Variants in LRP1B observed in about 807,000 individuals in gnomAD.
LRP1B encodes the protein low-density lipoprotein receptor-related protein 1B.
LRP1B carries 217 observed loss-of-function variants against 556.6 expected under a neutral mutation model. The ratio of observed to expected loss-of-function variants is 0.39; its 90% CI spans 0.35 to 0.44. The LOEUF is 0.44. LRP1B is among the 20% of genes least tolerant of loss of function. The probability of loss-of-function intolerance (pLI) is 1.00; values close to 1 mark genes in which losing one functional copy is unlikely to be tolerated. For missense variants in LRP1B, 5,053 were observed against 5,620.8 expected (o/e 0.90, Z 3.23); for synonymous variants, 2,047 against 1,865.8 (o/e 1.10, Z -2.50).
At chr2:141,160,725 C>T (rs888872924) in intron 7 of LRP1B, among the ~76,000 whole-genome samples, 1 of 151,874 alleles carries the variant, frequency 6.6e-6, no homozygotes, top group Non-Finnish European at 1.5e-5. Context: ...TGAAAAAGAA[C>T]AGATCAGCAG....
chr2:140,605,023 A>T (rs1267794122), intron 41 of LRP1B, among the ~76,000 whole-genome samples: 1 of 152,114 alleles, frequency 6.6e-6, no homozygotes, highest in African/African-American at 2.4e-5. Context: ...AGTCTCGGGT[A>T]TGTCTTTATT....
chr2:140,498,720 A>G (rs1398502211), intron 55 of LRP1B, among the ~76,000 whole-genome samples: 1 of 151,886 alleles, frequency 6.6e-6, no homozygotes, highest in Non-Finnish European at 1.5e-5. Context: ...CTTGTTGTAC[A>G]TAAAGCTTTT....
At chr2:141,249,616 A>C (rs1444765932) in intron 4 of LRP1B, among the ~76,000 whole-genome samples, 1 of 135,732 alleles carries the variant, frequency 7.4e-6, no homozygotes, top group Non-Finnish European at 1.6e-5. Context: ...TAATAATAAT[A>C]AAACAGAAAG....
intron 2 of LRP1B, among the ~76,000 whole-genome samples, chr2:141,508,184 A>G (rs1410979300): frequency 1.3e-5 from 2 of 152,054 alleles, no homozygotes; most frequent in Non-Finnish European, 2.9e-5. Flanking sequence ...GTTCCTTGAG[A>G]CCAAATTCCC....
chr2:140,364,264 C>G (rs1267986532), intron 72 of LRP1B, among the ~76,000 whole-genome samples: 1 of 151,464 alleles, frequency 6.6e-6, no homozygotes, highest in African/African-American at 2.4e-5. Context: ...GCTTGTGAAA[C>G]TATGAGATTT....
chr2:140,747,269 C>A (rs1043584842), intron 35 of LRP1B, among the ~76,000 whole-genome samples: 23 of 152,170 alleles, frequency 1.5e-4, no homozygotes, highest in Admixed American at 1.2e-3. Context: ...TGTGAAGGCT[C>A]TTTCACTCAC....
chr2:141,006,317 T>C (rs555720951), intron 14 of LRP1B, among the ~76,000 whole-genome samples: 118 of 152,160 alleles, frequency 7.8e-4, no homozygotes, highest in South Asian at 2.1e-3. Context: ...TCCAGATATT[T>C]GAAACTATAT....
chr2:140,800,548 T>A (rs1690472980), intron 32 of LRP1B, among the ~76,000 whole-genome samples: 1 of 152,168 alleles, frequency 6.6e-6, no homozygotes, highest in Non-Finnish European at 1.5e-5. Context: ...AAGTATAGAA[T>A]TGTAAATTAA....
intron 1 of LRP1B, among the ~76,000 whole-genome samples, chr2:141,984,716 AT>A (rs1371755344): frequency 6.6e-6 from 1 of 152,118 alleles, no homozygotes; most frequent in Non-Finnish European, 1.5e-5. Context: ...AGAGAATGTA[AT>A]TTTTAAAACA....
At chr2:140,326,897 G>C (rs207462472) in intron 79 of LRP1B, among the ~76,000 whole-genome samples, 1 of 152,080 alleles carries the variant, frequency 6.6e-6, no homozygotes, top group South Asian at 2.1e-4. Context: ...TTGATTTCAT[G>C]AATGTGATTG....
intron 2 of LRP1B, among the ~76,000 whole-genome samples, chr2:141,688,856 T>C (rs912469750): frequency 4.6e-5 from 7 of 151,840 alleles, no homozygotes; most frequent in African/African-American, 1.4e-4. Context: ...TGGGTAATAA[T>C]GAAACACTCA....
intron 5 of LRP1B, among the ~76,000 whole-genome samples, chr2:141,236,158 G>A (rs1006987018): frequency 6.6e-6 from 1 of 151,930 alleles, no homozygotes; most frequent in Admixed American, 6.6e-5. Context: ...CTTTTATTTG[G>A]GGGGATTATT....
chr2:141,020,190 T>A, intron 11 of LRP1B, 88 bp from the exon 12 acceptor site: 1 of 862,538 alleles, frequency 1.2e-6, no homozygotes, highest in Non-Finnish European at 1.6e-6. Context: ...TAATAAAAAC[T>A]TTAGTTCAAA....
At position 141,129,793 on chromosome 2, in the gene LRP1B, G is replaced by C. The variant is rs557557318; in HGVS notation, c.1013+58628C>G. On this transcript the variant is annotated intron_variant, in intron 7 of 90. Coordinates refer to ENST00000389484, the MANE Select transcript of LRP1B (RefSeq NM_018557.3). ...GCAATATCCATTTAATAAACAAATA[G>C]AGTTAGAAAATTTACTATATGTAAA... Among the ~76,000 whole-genome samples the C allele has an allele frequency of 1.1e-4, 11 of 97,186 alleles. No individual in the cohort carries two copies. The East Asian group carries it at 1.3e-3, about 11-fold the overall frequency. 63.8% of individuals were successfully genotyped at this position (97,186 alleles called of 152,430 possible).
intron 1 of LRP1B, among the ~76,000 whole-genome samples, chr2:141,913,273 G>T (rs1258045627): frequency 1.3e-5 from 2 of 152,204 alleles, no homozygotes; most frequent in African/African-American, 4.8e-5. Flanking sequence ...GGAACTAACA[G>T]AAATTGATTG....
At chr2:140,588,852 C>T (rs1206216677) in intron 43 of LRP1B, among the ~76,000 whole-genome samples, 4 of 151,078 alleles carry the variant, frequency 2.6e-5, no homozygotes, top group African/African-American at 4.9e-5. Context: ...CCAGCTAACT[C>T]GGGAGGCTGA....
intron 18 of LRP1B, among the ~76,000 whole-genome samples, chr2:140,964,816 C>T (rs891270296): frequency 6.6e-6 from 1 of 152,218 alleles, no homozygotes; most frequent in Non-Finnish European, 1.5e-5. Context: ...TCTCTTGCCT[C>T]GGTGCCTGGG....
At chr2:141,347,074 GT>G (rs1688278628) in intron 3 of LRP1B, among the ~76,000 whole-genome samples, 1 of 152,030 alleles carries the variant, frequency 6.6e-6, no homozygotes, top group East Asian at 1.9e-4. Flanking sequence ...AACATATCCT[GT>G]TTTTTAAAAG....
At position 140,850,026 on chromosome 2, in the gene LRP1B, G is replaced by T. The variant is rs549963578; in HGVS notation, c.4939+76C>A. On this transcript the variant is annotated intron_variant, in intron 29 of 90. Transcript: ENST00000389484. Reference sequence around the variant, plus strand: ...AGCATAAAGTTGAATAAAAGAGAAAGAATATAAAAGATTTGTGATTATTAC... The same window carrying T: ...AGCATAAAGTTGAATAAAAGAGAAATAATATAAAAGATTTGTGATTATTAC... 1.0e-4 allele frequency: 96 copies of T among 928,790 alleles called. No individual in the cohort carries two copies. The African/African-American group carries it at 1.3e-3, about 12-fold the overall frequency. 57.5% of individuals were successfully genotyped at this position (928,790 alleles called of 1,614,324 possible).
Sources: allele counts gnomAD v4.1 joint callset (sites outside exome capture counted in the v4.1 genomes callset), GRCh38; gene constraint gnomAD v4.1.1; transcripts MANE v1.5; gene names NCBI Gene and HGNC (gene_info 2026-07-23, HGNC 2026-07-21).